GALNT13: variants seen among roughly 807,000 people sequenced by gnomAD.
The protein encoded by GALNT13 is UDP-GalNAc:polypeptide N-acetylgalactosaminyltransferase 13.
In GALNT13, 28 loss-of-function variants were observed where a neutral mutation model predicts 64.2. That is an observed-to-expected ratio of 0.44 (90% CI 0.32 to 0.60). The LOEUF (loss-of-function observed/expected upper bound fraction) is 0.60. Among genes scored for constraint, GALNT13 ranks in the 20% least tolerant of loss-of-function variants. The probability of loss-of-function intolerance (pLI) is 0.05; values close to 1 mark genes in which losing one functional copy is unlikely to be tolerated. For missense variants in GALNT13, 577 were observed against 669.8 expected, an observed-to-expected ratio of 0.86 and a Z score of 1.53; for synonymous variants, 214 against 224.6, an observed-to-expected ratio of 0.95 and a Z score of 0.42.
the GALNT13 span, among the ~76,000 whole-genome samples, chr2:153,843,041 G>A: frequency 6.8e-6 from 1 of 147,898 alleles, no homozygotes; most frequent in Non-Finnish European, 1.5e-5. Context: ...TATAGAAAAT[G>A]TCCTTACTGA....
the GALNT13 span, among the ~76,000 whole-genome samples, chr2:153,093,540 A>G: frequency 2.6e-5 from 4 of 152,118 alleles, no homozygotes; most frequent in African/African-American, 9.7e-5. Flanking sequence ...TGTGTGGCTG[A>G]TGAAGGATCT....
the GALNT13 span, among the ~76,000 whole-genome samples, chr2:153,794,406 A>G: frequency 6.6e-6 from 1 of 152,198 alleles, no homozygotes; most frequent in Non-Finnish European, 1.5e-5. Context: ...GTACAGCACC[A>G]TAAAAGAAAA....
At chr2:153,142,590 G>A in the GALNT13 span, among the ~76,000 whole-genome samples, 3 of 151,820 alleles carry the variant, frequency 2.0e-5, no homozygotes, top group Non-Finnish European at 2.9e-5. Context: ...ATGAGCGTGA[G>A]AGAGAGAAAG....
the GALNT13 span, among the ~76,000 whole-genome samples, chr2:153,481,419 C>T: frequency 2.0e-5 from 3 of 152,036 alleles, no homozygotes; most frequent in Admixed American, 6.5e-5. Flanking sequence ...AGGAGAATCT[C>T]ACAAGTGTGA....
At chr2:153,083,625 A>AT in the GALNT13 span, among the ~76,000 whole-genome samples, 2 of 151,800 alleles carry the variant, frequency 1.3e-5, no homozygotes, top group Non-Finnish European at 2.9e-5. Context: ...TTTCCTGTAG[A>AT]TTCTGGATAT....
intron 3 of GALNT13, among the ~76,000 whole-genome samples, chr2:153,962,390 C>A (rs1488386935): frequency 6.6e-6 from 1 of 152,088 alleles, no homozygotes; most frequent in African/African-American, 2.4e-5. Flanking sequence ...TCAGCAGGAG[C>A]ACTCATGAAA....
At chr2:153,672,574 G>A in the GALNT13 span, among the ~76,000 whole-genome samples, 1 of 152,248 alleles carries the variant, frequency 6.6e-6, no homozygotes, top group South Asian at 2.1e-4. Flanking sequence ...GAAATTTGTA[G>A]CACTAAATGC....
intron 4 of GALNT13, among the ~76,000 whole-genome samples, chr2:154,148,387 C>A (rs1369245451): frequency 1.3e-5 from 2 of 152,122 alleles, no homozygotes; most frequent in African/African-American, 4.8e-5. Flanking sequence ...AATAAACATA[C>A]ATGTGCACGT....
intron 9 of GALNT13, among the ~76,000 whole-genome samples, chr2:154,349,290 G>A (rs1477961226): frequency 6.6e-6 from 1 of 152,174 alleles, no homozygotes; most frequent in Non-Finnish European, 1.5e-5. Flanking sequence ...TCCTATCCAT[G>A]AAATGTGGAT....
At chr2:153,576,663 C>T in the GALNT13 span, among the ~76,000 whole-genome samples, 1 of 152,196 alleles carries the variant, frequency 6.6e-6, no homozygotes, top group African/African-American at 2.4e-5. Context: ...AATACTTTTT[C>T]TCTATCTTTT....
At chr2:153,886,242 A>T (rs948216295) in intron 1 of GALNT13, among the ~76,000 whole-genome samples, 2 of 150,466 alleles carry the variant, frequency 1.3e-5, no homozygotes, top group Non-Finnish European at 3.0e-5. Context: ...TTTAAGTTTT[A>T]GGATACATGT....
chr2:153,388,680 A>G, the GALNT13 span, among the ~76,000 whole-genome samples: 2 of 151,894 alleles, frequency 1.3e-5, no homozygotes, highest in African/African-American at 2.4e-5. Context: ...TGTACAAAGG[A>G]AAGAATAGGA....
At chr2:154,233,495 A>G (rs1192776947) in intron 4 of GALNT13, among the ~76,000 whole-genome samples, 2 of 152,190 alleles carry the variant, frequency 1.3e-5, no homozygotes, top group Non-Finnish European at 2.9e-5. Context: ...TTTATTTCCT[A>G]GTAGTTCTTG....
the GALNT13 span, among the ~76,000 whole-genome samples, chr2:153,142,724 T>G: frequency 5.2e-4 from 79 of 152,024 alleles, no homozygotes; most frequent in African/African-American, 1.8e-3. Flanking sequence ...AATGGGAAGA[T>G]TGACAAGAAG....
Position 154,025,165 on chromosome 2 carries a change from G to C in GALNT13, c.142+80526G>C, listed in dbSNP as rs143174471. 6.0e-3 allele frequency among the ~76,000 whole-genome samples: 906 copies of C among 152,216 alleles called. 13 individuals are homozygous for C. The highest frequency in any genetic ancestry group is 0.02 in the African/African-American group (844 of 41,544). On this transcript the variant is annotated intron_variant, in intron 3 of 12. Coordinates refer to ENST00000392825, the MANE Select transcript of GALNT13 (RefSeq NM_052917.4). ...ATGGACCCACTTGAGGAGGCAGTCT[G>C]CCCATTCTCAGATCTCAAGCTGCAT...
At chr2:153,326,306 C>CTTT in the GALNT13 span, among the ~76,000 whole-genome samples, 2 of 130,910 alleles carry the variant, frequency 1.5e-5, no homozygotes, top group African/African-American at 5.6e-5. Context: ...CAACTTTGGC[C>CTTT]TTTTTTTTTT....
At chr2:153,619,611 C>G in the GALNT13 span, among the ~76,000 whole-genome samples, 1 of 151,974 alleles carries the variant, frequency 6.6e-6, no homozygotes. Flanking sequence ...TGTAGAATGA[C>G]TTTGGAAGTA....
the GALNT13 span, among the ~76,000 whole-genome samples, chr2:153,512,475 T>A: frequency 2.0e-5 from 3 of 152,260 alleles, no homozygotes; most frequent in East Asian, 3.9e-4. Flanking sequence ...CAGCAATATG[T>A]CATGGTGGTT....
At chr2:154,105,790 A>G (rs1238440395) in intron 3 of GALNT13, among the ~76,000 whole-genome samples, 1 of 152,208 alleles carries the variant, frequency 6.6e-6, no homozygotes, top group East Asian at 1.9e-4. Context: ...CCCTAGCCCC[A>G]TGTGAATATT....
Sources: allele counts gnomAD v4.1 joint callset (sites outside exome capture counted in the v4.1 genomes callset), GRCh38; gene constraint gnomAD v4.1.1; transcripts MANE v1.5; gene names NCBI Gene and HGNC (gene_info 2026-07-23, HGNC 2026-07-21).